PAX7: variants seen among roughly 807,000 people sequenced by gnomAD.
The protein encoded by PAX7 is paired box 7, also known as paired box protein Pax-7.
PAX7 carries 18 observed loss-of-function variants against 50.7 expected under a neutral mutation model. That is an observed-to-expected ratio of 0.36 (90% CI 0.25 to 0.53). PAX7 has a LOEUF of 0.53. Among genes scored for constraint, PAX7 ranks in the 20% least tolerant of loss-of-function variants. The pLI is 0.93. For missense variants in PAX7, 644 were observed against 702.9 expected (o/e 0.92, Z 0.95); for synonymous variants, 310 against 290.4 (o/e 1.07, Z -0.69).
chr1:18,721,684 C>T (rs1289420483), intron 7 of PAX7, among the ~76,000 whole-genome samples: 1 of 152,204 alleles, frequency 6.6e-6, no homozygotes, highest in Non-Finnish European at 1.5e-5. Context: ...CAGAGCCACT[C>T]ATGGTGGTGG....
At chr1:18,674,308 G>A (rs1352871988) in intron 4 of PAX7, among the ~76,000 whole-genome samples, 1 of 152,170 alleles carries the variant, frequency 6.6e-6, no homozygotes, top group Non-Finnish European at 1.5e-5. Flanking sequence ...TGTCCGGTGT[G>A]GTTCCTGACT....
intron 4 of PAX7, among the ~76,000 whole-genome samples, chr1:18,684,837 G>A (rs2088952355): frequency 6.6e-6 from 1 of 152,308 alleles, no homozygotes; most frequent in Non-Finnish European, 1.5e-5. Flanking sequence ...GCAGGGGTGG[G>A]AGGGTTTCCG....
rs58421018 is a variant in PAX7, at chr1:18,703,379, C to A, written c.1155+83C>A. ...AGACAGCACGTGGGTGGAAGCCTTG[C>A]GCTCTTTCCTGTAGCAGGCTGACTG... is the stretch of plus-strand genomic sequence containing the variant. On this transcript the variant is annotated intron_variant, in intron 7 of 8. Transcript: ENST00000420770. 1.1e-3 allele frequency: 1,415 copies of A among 1,262,338 alleles called. 13 individuals are homozygous for A. The African/African-American group carries it at 0.017, about 15-fold the overall frequency. 78.2% of individuals were successfully genotyped at this position (1,262,338 alleles called of 1,614,324 possible). A position where few individuals can be genotyped will look rare whatever the true frequency, so the allele number is the denominator to read the frequency against.
rs759057706 is a variant in PAX7, at chr1:18,634,188, G to A, written c.86-115G>A. 5.2e-5 allele frequency: 39 copies of A among 753,408 alleles called. No homozygotes were observed. Among genetic ancestry groups the A allele is most frequent in the Non-Finnish European group, 7.0e-5 (32 of 455,556 alleles). The allele number at this position is 753,408 out of a possible 1,614,324, so 46.7% of individuals were successfully genotyped here. On this transcript the variant is annotated intron_variant, in intron 1 of 8. Transcript: ENST00000420770. This position sits in a 1 kb window ranked among gnomAD's most constrained non-coding sequence, Gnocchi z 4.0. ...CAGTGTGAGGACCACCGGGATTGCT[G>A]TCTGAGGTCTTGGGGCTCAAACAAA...
intron 7 of PAX7, among the ~76,000 whole-genome samples, chr1:18,704,667 G>A (rs2089261842): frequency 6.6e-6 from 1 of 151,394 alleles, no homozygotes; most frequent in Non-Finnish European, 1.5e-5. Context: ...GGTCCACAAA[G>A]CCTAAAATAT....
At chr1:18,708,058 A>C (rs2089306358) in intron 7 of PAX7, among the ~76,000 whole-genome samples, 1 of 151,974 alleles carries the variant, frequency 6.6e-6, no homozygotes, top group South Asian at 2.1e-4. Context: ...AGGATTAGGG[A>C]TTAGGCACTC....
At chr1:18,667,857 G>A (rs1296695841) in intron 4 of PAX7, among the ~76,000 whole-genome samples, 1 of 152,042 alleles carries the variant, frequency 6.6e-6, no homozygotes, top group Non-Finnish European at 1.5e-5. Context: ...CCCCAGCCAA[G>A]GCCAGTAGGA....
chr1:18,737,721 CAT>C (rs1156666068), intron 8 of PAX7, among the ~76,000 whole-genome samples: 7 of 152,238 alleles, frequency 4.6e-5, no homozygotes, highest in Middle Eastern at 3.2e-3. Flanking sequence ...TGTGAACACA[CAT>C]GTGCACACAT....
At chr1:18,642,035 G>A (rs939444617) in intron 4 of PAX7, among the ~76,000 whole-genome samples, 1 of 146,366 alleles carries the variant, frequency 6.8e-6, no homozygotes, top group South Asian at 2.1e-4. Flanking sequence ...GGATTTAAAA[G>A]CACATATAAC....
chr1:18,643,440 C>T (rs928285863), intron 4 of PAX7, among the ~76,000 whole-genome samples: 1 of 152,190 alleles, frequency 6.6e-6, no homozygotes, highest in Non-Finnish European at 1.5e-5. Context: ...AAAGTCTGAG[C>T]GCAGCAGAAG....
intron 7 of PAX7, among the ~76,000 whole-genome samples, chr1:18,734,051 G>A (rs1045967669): frequency 5.9e-5 from 9 of 152,318 alleles, no homozygotes; most frequent in East Asian, 1.9e-4. Flanking sequence ...TCCCTAGCCC[G>A]AGGAATCCAT....
intron 7 of PAX7, among the ~76,000 whole-genome samples, chr1:18,718,125 C>T (rs2089450461): frequency 6.6e-6 from 1 of 152,172 alleles, no homozygotes; most frequent in Admixed American, 6.5e-5. Context: ...ATGGGGGTGT[C>T]AGGGACAGGA....
At chr1:18,713,971 G>A (rs2089386537) in intron 7 of PAX7, among the ~76,000 whole-genome samples, 1 of 152,328 alleles carries the variant, frequency 6.6e-6, no homozygotes, top group South Asian at 2.1e-4. Context: ...AGCACTTTGG[G>A]AGGCCAAGGC....
chr1:18,739,551 G>A (rs1264323440), intron 8 of PAX7, among the ~76,000 whole-genome samples: 1 of 152,220 alleles, frequency 6.6e-6, no homozygotes, highest in Non-Finnish European at 1.5e-5. Context: ...GGACAGATGA[G>A]GAAATGGGAT....
At chr1:18,678,255 T>A (rs2088852041) in intron 4 of PAX7, among the ~76,000 whole-genome samples, 1 of 151,626 alleles carries the variant, frequency 6.6e-6, no homozygotes, top group Non-Finnish European at 1.5e-5. Flanking sequence ...CTACTAAAAA[T>A]ACAAAATTAG....
intron 8 of PAX7, among the ~76,000 whole-genome samples, chr1:18,741,220 G>A (rs1415974073): frequency 6.6e-6 from 1 of 152,192 alleles, no homozygotes. Context: ...AGGCCAAAGT[G>A]GGCAGATCAC....
chr1:18,676,542 G>A (rs1373850878), intron 4 of PAX7, among the ~76,000 whole-genome samples: 1 of 151,968 alleles, frequency 6.6e-6, no homozygotes, highest in Admixed American at 6.6e-5. Flanking sequence ...GGGAAAGGAA[G>A]GATAAGTCTT....
intron 7 of PAX7, among the ~76,000 whole-genome samples, chr1:18,704,911 C>T (rs898320684): frequency 6.6e-6 from 1 of 152,276 alleles, no homozygotes; most frequent in East Asian, 1.9e-4. Context: ...GAGATAAGCC[C>T]AGTACTTGCC....
chr1:18,664,244 G>A (rs1432673010), intron 4 of PAX7, among the ~76,000 whole-genome samples: 2 of 149,822 alleles, frequency 1.3e-5, no homozygotes, highest in African/African-American at 2.4e-5. Flanking sequence ...GCTAATCAGT[G>A]GCAGAGCTGG....
Sources: gnomAD v4.1 joint callset for allele counts (sites outside exome capture counted in the v4.1 genomes callset) on GRCh38, gnomAD v4.1.1 for gene constraint, Gnocchi (gnomAD v3.1) non-coding constraint, MANE v1.5 for transcripts, NCBI Gene and HGNC (gene_info 2026-07-23, HGNC 2026-07-21) for gene names.